EIPR1: variants seen among roughly 807,000 people sequenced by gnomAD.
EIPR1 encodes EARP and GARP complex-interacting protein 1.
In EIPR1, 25 loss-of-function variants were observed where a neutral mutation model predicts 48.1. The ratio of observed to expected loss-of-function variants is 0.52; its 90% confidence interval spans 0.38 to 0.73. EIPR1 has a LOEUF of 0.73. Ranked by LOEUF, EIPR1 falls within the 30% of genes least tolerant of loss-of-function variation. EIPR1 has a pLI of 0.00. For missense variants in EIPR1, 415 were observed against 506.2 expected, an observed-to-expected ratio of 0.82 and a Z score of 1.73; for synonymous variants, 204 against 201.9, an observed-to-expected ratio of 1.01 and a Z score of -0.09.
intron 2 of EIPR1, 68 bp downstream of exon 2, chr2:3,354,482 G>A (rs1013000832): frequency 2.8e-6 from 4 of 1,448,056 alleles, no homozygotes; most frequent in Non-Finnish European, 3.8e-6. Flanking sequence ...GAAAATCAGA[G>A]CAAAATGGTT....
At chr2:3,323,907 G>A (rs917597889) in intron 3 of EIPR1, among the ~76,000 whole-genome samples, 2 of 152,198 alleles carry the variant, frequency 1.3e-5, no homozygotes, top group African/African-American at 2.4e-5. Context: ...GGGGTGCTCC[G>A]CTGCTGCCGT....
chr2:3,262,539 T>C (rs1667365821), intron 3 of EIPR1, among the ~76,000 whole-genome samples: 1 of 152,216 alleles, frequency 6.6e-6, no homozygotes, highest in Admixed American at 6.5e-5. Context: ...CACGTAAGGC[T>C]GCCAGCTTAG....
chr2:3,285,225 G>A (rs2103265219), intron 3 of EIPR1, among the ~76,000 whole-genome samples: 1 of 152,256 alleles, frequency 6.6e-6, no homozygotes, highest in Non-Finnish European at 1.5e-5. Flanking sequence ...GGACAGGGCA[G>A]GGGAGAAGCA....
intron 5 of EIPR1, among the ~76,000 whole-genome samples, chr2:3,204,761 G>A (rs1039852299): frequency 1.3e-5 from 2 of 152,328 alleles, no homozygotes; most frequent in Admixed American, 6.5e-5. Flanking sequence ...CTGCCATCAA[G>A]AGCCACAGAG....
In EIPR1 at chr2:3,241,417, C is replaced by T. The variant is rs146317069; in HGVS notation, c.416+15882G>A. On this transcript the variant is annotated intron_variant, in intron 4 of 8. Transcript: ENST00000382125. ...AATCCCTATAATCATTACTGTTTGC[C>T]GTATACCTTGGAATAACTGGAGTAT... 1.4e-4 allele frequency among the ~76,000 whole-genome samples: 21 copies of T among 152,150 alleles called. No homozygotes were observed. In the East Asian group the frequency reaches 3.5e-3, roughly 25 times the overall value.
chr2:3,308,097 G>A (rs1168834512), intron 3 of EIPR1, among the ~76,000 whole-genome samples: 3 of 152,196 alleles, frequency 2.0e-5, no homozygotes, highest in East Asian at 3.8e-4. Context: ...TGGCCACGGA[G>A]GCCTCAGAGA....
At chr2:3,300,998 G>C (rs1018830309) in intron 3 of EIPR1, 1 of 152,168 alleles carries the variant, frequency 6.6e-6, no homozygotes, top group Admixed American at 6.5e-5. Flanking sequence ...ATGATTCATA[G>C]GGCTAAATTA....
intron 4 of EIPR1, among the ~76,000 whole-genome samples, chr2:3,222,593 C>G (rs1665931171): frequency 6.6e-6 from 1 of 152,152 alleles, no homozygotes; most frequent in Admixed American, 6.5e-5. Context: ...TTCTGAAGAT[C>G]ACAGGGAACA....
At chr2:3,191,702 A>C (rs1193944646) in intron 8 of EIPR1, among the ~76,000 whole-genome samples, 1 of 152,216 alleles carries the variant, frequency 6.6e-6, no homozygotes, top group African/African-American at 2.4e-5. Flanking sequence ...TGCCACTTCT[A>C]AAGGTGGACT....
intron 3 of EIPR1, among the ~76,000 whole-genome samples, chr2:3,296,284 C>T (rs1419384828): frequency 1.5e-4 from 18 of 118,750 alleles, no homozygotes; most frequent in African/African-American, 5.9e-4. Context: ...TCACCACACA[C>T]AGACACCCTC....
intron 3 of EIPR1, among the ~76,000 whole-genome samples, chr2:3,327,952 G>C (rs1033333798): frequency 6.6e-6 from 1 of 151,826 alleles, no homozygotes; most frequent in South Asian, 2.1e-4. Context: ...TTCTCGTGTT[G>C]CCCAGACTGG....
intron 4 of EIPR1, among the ~76,000 whole-genome samples, chr2:3,231,750 G>A (rs780315416): frequency 1.3e-5 from 2 of 152,062 alleles, no homozygotes; most frequent in Non-Finnish European, 2.9e-5. Flanking sequence ...ATATTTTATC[G>A]AGGACTTGCA....
At chr2:3,289,272 C>T (rs1385585360) in intron 3 of EIPR1, among the ~76,000 whole-genome samples, 1 of 152,110 alleles carries the variant, frequency 6.6e-6, no homozygotes, top group African/African-American at 2.4e-5. Flanking sequence ...TCTGGGTGAT[C>T]CTCCAAATTA....
At chr2:3,223,207 G>T (rs1665953278) in intron 4 of EIPR1, among the ~76,000 whole-genome samples, 2 of 152,160 alleles carry the variant, frequency 1.3e-5, no homozygotes, top group African/African-American at 4.8e-5. Context: ...CTCAGGCCTT[G>T]GTCGAAACAC....
chr2:3,203,610 A>G (rs1267630966), intron 5 of EIPR1, among the ~76,000 whole-genome samples: 1 of 152,182 alleles, frequency 6.6e-6, no homozygotes, highest in Non-Finnish European at 1.5e-5. Context: ...GAGGCTGAAA[A>G]CCAGGGAAGC....
intron 4 of EIPR1, among the ~76,000 whole-genome samples, chr2:3,246,344 G>C (rs961000627): frequency 6.6e-6 from 1 of 152,200 alleles, no homozygotes; most frequent in African/African-American, 2.4e-5. Context: ...AATGAAGAGA[G>C]CTGAAGCCAA....
At chr2:3,231,076 G>T (rs1431118942) in intron 4 of EIPR1, among the ~76,000 whole-genome samples, 2 of 152,262 alleles carry the variant, frequency 1.3e-5, no homozygotes, top group African/African-American at 4.8e-5. Context: ...CTTGGTAAAA[G>T]TTACTCCTAA....
At chr2:3,199,479 C>T (rs964538760) in intron 5 of EIPR1, among the ~76,000 whole-genome samples, 3 of 152,234 alleles carry the variant, frequency 2.0e-5, no homozygotes, top group Non-Finnish European at 2.9e-5. Flanking sequence ...TCTTCTGTCA[C>T]GGCTTCAGCA....
chr2:3,265,982 A>AGCT (rs1357442950), intron 3 of EIPR1, among the ~76,000 whole-genome samples: 18 of 152,330 alleles, frequency 1.2e-4, no homozygotes, highest in African/African-American at 4.3e-4. Flanking sequence ...CCTACTTTTC[A>AGCT]CATGTTAACA....
Sources: allele counts gnomAD v4.1 joint callset (sites outside exome capture counted in the v4.1 genomes callset), GRCh38; gene constraint gnomAD v4.1.1; transcripts MANE v1.5; gene names NCBI Gene and HGNC (gene_info 2026-07-23, HGNC 2026-07-21).